The following LUZP2 variants were observed in gnomAD, a reference collection of about 807,000 sequenced individuals.
LUZP2 encodes leucine zipper protein 2.
In LUZP2, 52 loss-of-function variants were observed where a neutral mutation model predicts 51.6. The ratio of observed to expected loss-of-function variants is 1.01; its 90% CI spans 0.81 to 1.27. The LOEUF is 1.27. Ranked by LOEUF, LUZP2 falls within the 50% of genes most tolerant of loss-of-function variation. The probability of loss-of-function intolerance (pLI) is 0.00; values close to 1 mark genes in which losing one functional copy is unlikely to be tolerated. For missense variants in LUZP2, 436 were observed against 395.4 expected (o/e 1.10, Z -0.87); for synonymous variants, 154 against 137.3 (o/e 1.12, Z -0.85).
intron 1 of LUZP2, among the ~76,000 whole-genome samples, chr11:24,499,439 G>A (rs574734070): frequency 1.3e-5 from 2 of 152,298 alleles, no homozygotes; most frequent in Non-Finnish European, 2.9e-5. Flanking sequence ...TGGTTATTGT[G>A]CAGATTAGAA....
In LUZP2 at chr11:24,847,745, A is replaced by T. The variant is rs148441609; in HGVS notation, c.397-58246A>T. ...CCTCCACAATTTTTGCCAAATATTG[A>T]TTTTCTGTTTTAATCACACTTTGTC... On this transcript the variant is annotated intron_variant, in intron 5 of 11. Coordinates refer to ENST00000336930, the MANE Select transcript of LUZP2 (RefSeq NM_001009909.4). Among the ~76,000 whole-genome samples, 664 of 152,170 alleles carry T rather than the reference A, an allele frequency of 4.4e-3. 2 individuals carry two copies. Among genetic ancestry groups the T allele is most frequent in the African/African-American group, 0.015 (620 of 41,520 alleles).
At chr11:24,880,878 C>T (rs1000148193) in intron 5 of LUZP2, among the ~76,000 whole-genome samples, 1 of 152,050 alleles carries the variant, frequency 6.6e-6, no homozygotes, top group Non-Finnish European at 1.5e-5. Context: ...TTTTTCTTCC[C>T]TCTGGCACTA....
At chr11:24,674,144 T>A (rs1366649760) in intron 1 of LUZP2, among the ~76,000 whole-genome samples, 1 of 152,190 alleles carries the variant, frequency 6.6e-6, no homozygotes, top group Non-Finnish European at 1.5e-5. Flanking sequence ...ATATTTTTAA[T>A]CTTTATAATA....
chr11:24,612,769 T>C (rs762035177), intron 1 of LUZP2, among the ~76,000 whole-genome samples: 2 of 152,162 alleles, frequency 1.3e-5, no homozygotes, highest in Non-Finnish European at 2.9e-5. Flanking sequence ...ATTTTCTCTG[T>C]GCAGACAGAT....
At chr11:24,602,158 G>GTGTA (rs1853707878) in intron 1 of LUZP2, among the ~76,000 whole-genome samples, 16 of 122,934 alleles carry the variant, frequency 1.3e-4, no homozygotes, top group African/African-American at 4.4e-4. Flanking sequence ...ATGTATATAT[G>GTGTA]TATATATGTG....
intron 9 of LUZP2, among the ~76,000 whole-genome samples, chr11:24,997,722 A>T (rs1341781908): frequency 2.6e-5 from 4 of 152,182 alleles, no homozygotes; most frequent in East Asian, 3.9e-4. Flanking sequence ...GGTAATGCCT[A>T]GGTTTTCTTC....
chr11:24,925,497 G>A (rs1854199450), intron 7 of LUZP2, among the ~76,000 whole-genome samples: 1 of 152,062 alleles, frequency 6.6e-6, no homozygotes, highest in Non-Finnish European at 1.5e-5. Context: ...ACCCAACTTT[G>A]TAGCCTTATT....
intron 1 of LUZP2, among the ~76,000 whole-genome samples, chr11:24,650,160 T>C (rs1855584349): frequency 6.6e-6 from 1 of 151,068 alleles, no homozygotes; most frequent in Admixed American, 6.6e-5. Context: ...TGTTTCCATA[T>C]ACAGATACAT....
At chr11:24,633,943 T>C (rs957470472) in intron 1 of LUZP2, among the ~76,000 whole-genome samples, 28 of 131,980 alleles carry the variant, frequency 2.1e-4, no homozygotes, top group African/African-American at 8.2e-4. Context: ...AACACACGTG[T>C]GTGTGTGTGT....
intron 9 of LUZP2, among the ~76,000 whole-genome samples, chr11:24,984,091 A>G (rs1046937979): frequency 1.3e-5 from 2 of 151,748 alleles, no homozygotes; most frequent in African/African-American, 4.8e-5. Context: ...AGTATGTTGG[A>G]AAGATCTAGT....
chr11:24,684,630 G>C (rs1446495507), intron 1 of LUZP2, among the ~76,000 whole-genome samples: 2 of 152,214 alleles, frequency 1.3e-5, no homozygotes, highest in East Asian at 3.9e-4. Flanking sequence ...ATAGAAATTG[G>C]AGGGAAAAGT....
At chr11:24,922,825 CTTTTTTTTTTTCTTTTTTT>C (rs550686545) in intron 7 of LUZP2, among the ~76,000 whole-genome samples, 8,365 of 44,284 alleles carry the variant, frequency 0.19, 1,315 homozygotes, top group African/African-American at 0.36. Context: ...ACAGTTATAT[CTTTTTTTTTTTCTTTTTTT>C]TTTTTTTTTT....
chr11:24,587,460 C>A (rs1053985855), intron 1 of LUZP2, among the ~76,000 whole-genome samples: 1 of 152,030 alleles, frequency 6.6e-6, no homozygotes, highest in African/African-American at 2.4e-5. Flanking sequence ...AATGTCTGGA[C>A]GGAAAATTTT....
intron 7 of LUZP2, among the ~76,000 whole-genome samples, chr11:24,949,203 T>C (rs1855000044): frequency 6.6e-6 from 1 of 151,426 alleles, no homozygotes. Context: ...TTCCACTCTT[T>C]GTTTTGTTTA....
At chr11:24,867,300 C>T (rs895258656) in intron 5 of LUZP2, among the ~76,000 whole-genome samples, 11 of 152,080 alleles carry the variant, frequency 7.2e-5, no homozygotes, top group African/African-American at 1.4e-4. Context: ...ACCTGCATGA[C>T]GGTCTGGGTT....
At chr11:24,555,877 G>A (rs1851855497) in intron 1 of LUZP2, among the ~76,000 whole-genome samples, 1 of 152,130 alleles carries the variant, frequency 6.6e-6, no homozygotes, top group Non-Finnish European at 1.5e-5. Context: ...TACTCAGGAG[G>A]CTAACTGGGA....
chr11:24,616,779 G>T (rs1297553126), intron 1 of LUZP2, among the ~76,000 whole-genome samples: 1 of 152,024 alleles, frequency 6.6e-6, no homozygotes, highest in Admixed American at 6.6e-5. Context: ...CATTTGTTCT[G>T]GTTTACATCT....
At chr11:24,707,193 A>G (rs1392796042) in intron 1 of LUZP2, among the ~76,000 whole-genome samples, 6 of 152,094 alleles carry the variant, frequency 3.9e-5, no homozygotes, top group Non-Finnish European at 8.8e-5. Context: ...TAAGATGTTA[A>G]TTATGCAGCC....
At chr11:24,726,783 G>A (rs931166421) in intron 1 of LUZP2, among the ~76,000 whole-genome samples, 3 of 152,114 alleles carry the variant, frequency 2.0e-5, no homozygotes, top group Non-Finnish European at 4.4e-5. Flanking sequence ...GAACCTGAGT[G>A]TAGGAGGGTC....
Sources: allele counts gnomAD v4.1 joint callset (sites outside exome capture counted in the v4.1 genomes callset), GRCh38; gene constraint gnomAD v4.1.1; transcripts MANE v1.5; gene names NCBI Gene and HGNC (gene_info 2026-07-23, HGNC 2026-07-21).